The following PSMD14 variants were observed in gnomAD, a reference collection of about 807,000 sequenced individuals.
PSMD14 encodes the protein proteasome 26S subunit, non-ATPase 14.
Under a neutral mutation model 41.2 loss-of-function variants are expected in PSMD14, and 7 were observed. The observed-to-expected ratio is 0.17, with a 90% CI of 0.10 to 0.32. The LOEUF (loss-of-function observed/expected upper bound fraction) is 0.32. PSMD14 is among the 10% of genes least tolerant of loss of function. The pLI, the probability that PSMD14 is intolerant of heterozygous loss-of-function variation, is 1.00. For missense variants in PSMD14, 139 were observed against 375.6 expected (o/e 0.37, Z 5.21); for synonymous variants, 114 against 122.3 (o/e 0.93, Z 0.45).
chr2:161,405,229 CTAAGTATCACATGAT>C (rs1004802959), intron 10 of PSMD14, among the ~76,000 whole-genome samples: 5 of 152,164 alleles, frequency 3.3e-5, no homozygotes, highest in Admixed American at 6.6e-5. Context: ...CCTGTTACTA[CTAAGTATCACATGAT>C]GTGTTCCTCC....
At chr2:161,334,130 C>T (rs577973293) in intron 3 of PSMD14, among the ~76,000 whole-genome samples, 1 of 152,238 alleles carries the variant, frequency 6.6e-6, no homozygotes, top group African/African-American at 2.4e-5. Context: ...GTTGGGGGTT[C>T]GAGACCAGCT....
intron 5 of PSMD14, among the ~76,000 whole-genome samples, chr2:161,368,303 T>C (rs1336309684): frequency 6.6e-6 from 1 of 152,114 alleles, no homozygotes; most frequent in Non-Finnish European, 1.5e-5. Flanking sequence ...TCCCATTGTT[T>C]TGAAATATGT....
chr2:161,309,320 A>C (rs1224582645), intron 1 of PSMD14, among the ~76,000 whole-genome samples: 1 of 152,236 alleles, frequency 6.6e-6, no homozygotes, highest in Non-Finnish European at 1.5e-5. Flanking sequence ...TTGAGTCTAT[A>C]AACCTAGTGA....
At chr2:161,410,527 CAT>C (rs1684010132) in intron 11 of PSMD14, among the ~76,000 whole-genome samples, 1 of 151,928 alleles carries the variant, frequency 6.6e-6, no homozygotes, top group Non-Finnish European at 1.5e-5. Context: ...CTGCCTAAAA[CAT>C]AAATACATAC....
intron 11 of PSMD14, chr2:161,409,680 A>T (rs1683998917): frequency 6.6e-6 from 1 of 152,110 alleles, no homozygotes; most frequent in African/African-American, 2.4e-5. Flanking sequence ...AGTAATGTAG[A>T]TAACTGAGGG....
intron 3 of PSMD14, among the ~76,000 whole-genome samples, chr2:161,334,389 CT>C (rs1559040758): frequency 6.6e-6 from 1 of 152,230 alleles, no homozygotes; most frequent in South Asian, 2.1e-4. Context: ...GCCACAGTGT[CT>C]TTTTTGTTCG....
At chr2:161,342,333 CTT>C (rs34424898) in intron 3 of PSMD14, among the ~76,000 whole-genome samples, 5 of 147,284 alleles carry the variant, frequency 3.4e-5, no homozygotes, top group African/African-American at 9.9e-5. Context: ...TTTGTTGAGA[CTT>C]TTTTTTTTTA....
chr2:161,342,080 T>G (rs1311667192), intron 3 of PSMD14, among the ~76,000 whole-genome samples: 1 of 152,132 alleles, frequency 6.6e-6, no homozygotes, highest in Non-Finnish European at 1.5e-5. Context: ...AAATATGTTT[T>G]GCATGTGGAT....
At chr2:161,323,034 ACT>A (rs1233260911) in intron 3 of PSMD14, among the ~76,000 whole-genome samples, 8 of 151,950 alleles carry the variant, frequency 5.3e-5, no homozygotes, top group African/African-American at 1.2e-4. Flanking sequence ...AAAAACCAAA[ACT>A]CTACTGCATA....
chr2:161,408,991 G>A, intron 11 of PSMD14, 92 bp downstream of exon 11: 3 of 989,780 alleles, frequency 3.0e-6, no homozygotes, highest in Non-Finnish European at 4.5e-6. Flanking sequence ...TTTTTTTCCT[G>A]TCCACTCTAT....
At chr2:161,341,134 CCGGCT>C in intron 3 of PSMD14, 1 of 1,253,042 alleles carries the variant, frequency 8.0e-7, no homozygotes, top group Non-Finnish European at 1.0e-6. Flanking sequence ...GGCGAGGCCG[CCGGCT>C]CGGGGGCGCA....
chr2:161,367,451 A>G (rs755537756), intron 3 of PSMD14, 27 bp from the exon 4 acceptor site: 14 of 1,528,840 alleles, frequency 9.2e-6, no homozygotes, highest in Admixed American at 1.9e-5. Flanking sequence ...TGTTTGTTTT[A>G]ATAATAATTG....
chr2:161,363,336 C>T (rs1683317103), intron 3 of PSMD14, among the ~76,000 whole-genome samples: 1 of 152,130 alleles, frequency 6.6e-6, no homozygotes, highest in African/African-American at 2.4e-5. Flanking sequence ...GTTTTCATCT[C>T]TAACTTTTTA....
chr2:161,385,979 A>G (rs1365766519), intron 8 of PSMD14, among the ~76,000 whole-genome samples: 9 of 151,810 alleles, frequency 5.9e-5, no homozygotes, highest in African/African-American at 2.2e-4. Flanking sequence ...AGATATCCCT[A>G]GAAGTAATTC....
At chr2:161,381,596 A>G (rs1195127034) in intron 7 of PSMD14, 1 of 151,926 alleles carries the variant, frequency 6.6e-6, no homozygotes, top group African/African-American at 2.4e-5. Flanking sequence ...AATTTAGTCT[A>G]GTCTTTCAGT....
At chr2:161,385,700 A>G in intron 8 of PSMD14, 129 bp downstream of exon 8, 1 of 562,880 alleles carries the variant, frequency 1.8e-6, no homozygotes, top group Non-Finnish European at 3.0e-6. Context: ...TTGTTTTAAA[A>G]GAATTGTGGA....
chr2:161,342,408 C>G (rs771520087), intron 3 of PSMD14, among the ~76,000 whole-genome samples: 1 of 151,902 alleles, frequency 6.6e-6, no homozygotes, highest in Non-Finnish European at 1.5e-5. Context: ...GATTATATGA[C>G]TCCTTTGTTG....
rs182796930 is a variant in PSMD14, at chr2:161,410,997, T to A, written c.835-305T>A. Among the ~76,000 whole-genome samples, 280 of 152,222 alleles carry A rather than the reference T, an allele frequency of 1.8e-3. 1 individual carries two copies. The highest frequency in any genetic ancestry group is 3.1e-3 in the Non-Finnish European group (214 of 67,950). ...GTATACATATATAAATGAAATTTTT[T>A]AAAAAATCAGATGATTGTGAGCTGT... On this transcript the variant is annotated intron_variant, in intron 11 of 11. Coordinates refer to ENST00000409682, the MANE Select transcript of PSMD14 (RefSeq NM_005805.6).
chr2:161,314,778 T>C (rs929484782), intron 1 of PSMD14, among the ~76,000 whole-genome samples: 3 of 152,232 alleles, frequency 2.0e-5, no homozygotes, highest in African/African-American at 4.8e-5. Context: ...TATATGTGTT[T>C]ATAGTAGAAT....
Sources: allele counts gnomAD v4.1 joint callset (sites outside exome capture counted in the v4.1 genomes callset), GRCh38; gene constraint gnomAD v4.1.1; transcripts MANE v1.5; gene names NCBI Gene and HGNC (gene_info 2026-07-23, HGNC 2026-07-21).